Variants in PSMA8 observed in about 807,000 individuals in gnomAD.
PSMA8 encodes the protein proteasome 20S subunit alpha 8.
In PSMA8, 18 loss-of-function variants were observed where a neutral mutation model predicts 32.4. The ratio of observed to expected loss-of-function variants is 0.56; its 90% CI spans 0.38 to 0.82. The LOEUF (loss-of-function observed/expected upper bound fraction) is 0.82. Among genes scored for constraint, PSMA8 ranks in the 40% least tolerant of loss-of-function variants. The pLI is 0.00. For missense variants in PSMA8, 298 were observed against 300.7 expected, an observed-to-expected ratio of 0.99 and a Z score of 0.07; for synonymous variants, 104 against 98.1, an observed-to-expected ratio of 1.06 and a Z score of -0.36.
chr18:26,187,531 C>T (rs749551792), intron 6 of PSMA8, among the ~76,000 whole-genome samples: 12 of 151,506 alleles, frequency 7.9e-5, no homozygotes, highest in Non-Finnish European at 1.6e-4. Flanking sequence ...CTGTTGACTA[C>T]GAAAAACATA....
chr18:26,179,041 T>C, intron 5 of PSMA8, 27 bp from the exon 6 acceptor site: 2 of 1,609,478 alleles, frequency 1.2e-6, no homozygotes, highest in Non-Finnish European at 1.7e-6. Context: ...CTGAAATAAT[T>C]CTAATAGTGT....
rs541636681 is a variant in PSMA8 at position 26,192,938 on chromosome 18, A to G, written c.*527A>G. Reference sequence around the variant, plus strand: ...TTTATTTTACCTTTTTCATTTTACAATATTTCGTTATTTTTATTTTACCTT... The same window carrying G: ...TTTATTTTACCTTTTTCATTTTACAGTATTTCGTTATTTTTATTTTACCTT... On this transcript the variant is annotated 3_prime_UTR_variant, in exon 7 of 7. Transcript: ENST00000415576. 6.6e-6 allele frequency: 1 copy of G among 152,216 alleles called. No individual in the cohort carries two copies. Among genetic ancestry groups the G allele is most frequent in the East Asian group, 1.9e-4 (1 of 5,190 alleles). The allele number at this position is 152,216 out of a possible 1,614,324, so 9.4% of individuals were successfully genotyped here.
At chr18:26,163,245 A>G (rs1261236520) in intron 4 of PSMA8, among the ~76,000 whole-genome samples, 10 of 122,446 alleles carry the variant, frequency 8.2e-5, no homozygotes, top group African/African-American at 2.7e-4. Context: ...ATATATATAT[A>G]TATATATATA....
intron 6 of PSMA8, among the ~76,000 whole-genome samples, chr18:26,187,500 T>TA (rs1256350886): frequency 3.3e-5 from 5 of 150,548 alleles, no homozygotes; most frequent in Non-Finnish European, 5.9e-5. Flanking sequence ...TGAATGGATT[T>TA]AAAAAAAAAG....
At position 26,135,360 on chromosome 18, in the gene PSMA8, T is replaced by A. The variant is rs73405461; in HGVS notation, c.102+1293T>A. On this transcript the variant is annotated intron_variant, in intron 1 of 6. Transcript: ENST00000415576. ...AGACAGTAGCTATGAGAATACACAGTACGTTTCTAAGTCTAGCAGTGTCTA... is the reference window on the plus strand; with the variant it reads ...AGACAGTAGCTATGAGAATACACAGAACGTTTCTAAGTCTAGCAGTGTCTA... 4.1e-3 allele frequency among the ~76,000 whole-genome samples: 623 copies of A among 152,278 alleles called. 5 individuals are homozygous for A. Among genetic ancestry groups the A allele is most frequent in the African/African-American group, 0.014 (600 of 41,556 alleles).
chr18:26,167,481 A>G (rs1010320398), intron 4 of PSMA8, among the ~76,000 whole-genome samples: 12 of 152,172 alleles, frequency 7.9e-5, no homozygotes, highest in Non-Finnish European at 1.5e-4. Flanking sequence ...TTATATTAAC[A>G]TGTGTTATAG....
At chr18:26,144,134 G>A (rs1038840317) in intron 1 of PSMA8, among the ~76,000 whole-genome samples, 1 of 152,148 alleles carries the variant, frequency 6.6e-6, no homozygotes, top group African/African-American at 2.4e-5. Context: ...GGATGTTTTT[G>A]TGACCAGAAA....
intron 6 of PSMA8, among the ~76,000 whole-genome samples, chr18:26,190,529 G>A (rs948779528): frequency 7.2e-5 from 11 of 152,256 alleles, no homozygotes; most frequent in South Asian, 2.1e-4. Flanking sequence ...CAGGCAAATC[G>A]ATTGAGCCCA....
At position 26,133,947 on chromosome 18, in the gene PSMA8, G is replaced by T; in HGVS notation, c.-19G>T. 6.2e-7 allele frequency: 1 copy of T among 1,600,976 alleles called. No individual in the cohort carries two copies. The highest frequency in any genetic ancestry group is 8.6e-7 in the Non-Finnish European group (1 of 1,168,774). The stretch of plus-strand genomic sequence containing the variant: ...GCAGCAGCGGGAAGCTCGGTGGCAA[G>T]CCCTTGTAGTCCTGTGCGATGGCGT... On this transcript the variant is annotated 5_prime_UTR_variant, in exon 1 of 7. Transcript: ENST00000415576.
chr18:26,181,933 A>G (rs935295681), intron 6 of PSMA8, among the ~76,000 whole-genome samples: 1 of 152,112 alleles, frequency 6.6e-6, no homozygotes, highest in Non-Finnish European at 1.5e-5. Context: ...GAAAAAAAAA[A>G]AAAAAACCAG....
intron 6 of PSMA8, among the ~76,000 whole-genome samples, chr18:26,186,626 C>A (rs1233909867): frequency 1.3e-5 from 2 of 152,136 alleles, no homozygotes; most frequent in Non-Finnish European, 2.9e-5. Flanking sequence ...CATAAAATCT[C>A]TTAATTTTAC....
chr18:26,180,116 G>T (rs926449983), intron 6 of PSMA8, among the ~76,000 whole-genome samples: 1 of 152,058 alleles, frequency 6.6e-6, no homozygotes, highest in Non-Finnish European at 1.5e-5. Context: ...AGCTGGGCGT[G>T]GTGGCAGACG....
chr18:26,153,370 T>C (rs893223664), intron 3 of PSMA8, among the ~76,000 whole-genome samples: 1 of 152,170 alleles, frequency 6.6e-6, no homozygotes, highest in Non-Finnish European at 1.5e-5. Flanking sequence ...ATTATGAGAT[T>C]AAAAATTGTA....
At chr18:26,177,924 C>A (rs1234549868) in intron 4 of PSMA8, among the ~76,000 whole-genome samples, 2 of 152,104 alleles carry the variant, frequency 1.3e-5, no homozygotes, top group Non-Finnish European at 2.9e-5. Flanking sequence ...TTTTTAAAAT[C>A]TTTTCTGAGC....
At position 26,134,041 on chromosome 18, in the gene PSMA8, G is replaced by A. The variant is rs1399210996; in HGVS notation, c.76G>A (p.Glu26Lys). The part of the protein sequence containing the change: ...GHLFQVEYAQ[E>K]AVKKGSTAVG... ...CCTTTTTCAAGTTGAATATGCCCAG[G>A]AAGCGGTGAAGAAAGGATCCACCGC... Residue 26 changes from glutamate to lysine, a missense_variant, in exon 1 of 7, where the codon GAA (glutamate) becomes AAA (lysine). By Grantham distance (56) the Glu-to-Lys change is moderately conservative. Coordinates refer to ENST00000415576, the MANE Select transcript of PSMA8 (RefSeq NM_001025096.2). 2.5e-6 allele frequency: 4 copies of A among 1,613,936 alleles called. No homozygotes were observed. The highest frequency in any genetic ancestry group is 1.3e-5 in the African/African-American group (1 of 75,030).
At chr18:26,151,437 G>A (rs918552928) in intron 2 of PSMA8, among the ~76,000 whole-genome samples, 4 of 152,208 alleles carry the variant, frequency 2.6e-5, no homozygotes, top group African/African-American at 4.8e-5. Flanking sequence ...TATTGCAAGA[G>A]CAAGGTCAAG....
intron 4 of PSMA8, among the ~76,000 whole-genome samples, chr18:26,174,390 C>A (rs1157663111): frequency 1.3e-5 from 2 of 152,170 alleles, no homozygotes; most frequent in African/African-American, 4.8e-5. Flanking sequence ...TGTAGGAATG[C>A]CAGTCTGGCC....
chr18:26,190,611 T>C (rs2144366119), intron 6 of PSMA8, among the ~76,000 whole-genome samples: 1 of 152,156 alleles, frequency 6.6e-6, no homozygotes, highest in Non-Finnish European at 1.5e-5. Flanking sequence ...TAGCTGGGCA[T>C]GGTGGTTCAC....
chr18:26,144,819 A>C (rs1449227541), intron 2 of PSMA8, 134 bp downstream of exon 2: 1 of 712,226 alleles, frequency 1.4e-6, no homozygotes, highest in Non-Finnish European at 2.1e-6. Flanking sequence ...CCTACGTTTT[A>C]AAGCAAATAC....
Sources: gnomAD v4.1 joint callset for allele counts (sites outside exome capture counted in the v4.1 genomes callset) on GRCh38, gnomAD v4.1.1 for gene constraint, MANE v1.5 for transcripts, NCBI Gene and HGNC (gene_info 2026-07-23, HGNC 2026-07-21) for gene names.